The following ARL15 variants were observed in gnomAD, a reference collection of about 807,000 sequenced individuals.
ARL15 encodes the protein ADP-ribosylation factor-like protein 15.
A neutral mutation model predicts 25.2 loss-of-function variants in ARL15; 19 were observed. The ratio of observed to expected loss-of-function variants is 0.75; its 90% CI spans 0.53 to 1.10. The LOEUF (loss-of-function observed/expected upper bound fraction) is 1.10. ARL15 is among the 50% of genes least tolerant of loss of function. The pLI, the probability that ARL15 is intolerant of heterozygous loss-of-function variation, is 0.00. For missense variants in ARL15, 220 were observed against 246.0 expected (o/e 0.89, Z 0.71); for synonymous variants, 94 against 86.8 (o/e 1.08, Z -0.46).
chr5:54,087,111 C>A (rs1038741066), intron 4 of ARL15, among the ~76,000 whole-genome samples: 12 of 151,924 alleles, frequency 7.9e-5, no homozygotes, highest in Non-Finnish European at 1.6e-4. Context: ...TCAAGGTGGG[C>A]GGATCACGAG....
At chr5:53,943,574 G>A (rs1307800601) in intron 4 of ARL15, among the ~76,000 whole-genome samples, 1 of 152,218 alleles carries the variant, frequency 6.6e-6, no homozygotes, top group Non-Finnish European at 1.5e-5. Flanking sequence ...CAGGTATGGA[G>A]TAAGTGAGTT....
intron 1 of ARL15, among the ~76,000 whole-genome samples, chr5:54,227,007 A>G (rs151333629): frequency 6.6e-6 from 1 of 152,258 alleles, no homozygotes; most frequent in African/African-American, 2.4e-5. Context: ...GCTATGTAAG[A>G]CATCCCTTGC....
At chr5:54,273,952 C>T (rs1757856172) in intron 1 of ARL15, among the ~76,000 whole-genome samples, 1 of 152,206 alleles carries the variant, frequency 6.6e-6, no homozygotes, top group South Asian at 2.1e-4. Flanking sequence ...TGCACTTTGG[C>T]TGATGAAAGG....
chr5:54,308,266 A>C (rs1758812080), intron 1 of ARL15, among the ~76,000 whole-genome samples: 1 of 152,154 alleles, frequency 6.6e-6, no homozygotes, highest in South Asian at 2.1e-4. Context: ...CACAGGGGAC[A>C]CTTGGCACAC....
At chr5:53,991,542 C>CAA (rs760743257) in intron 4 of ARL15, among the ~76,000 whole-genome samples, 99 of 40,582 alleles carry the variant, frequency 2.4e-3, no homozygotes, top group African/African-American at 3.3e-3. Context: ...AACTCCATCT[C>CAA]AAAAAAAAAA....
intron 1 of ARL15, among the ~76,000 whole-genome samples, chr5:54,228,236 A>C (rs952737600): frequency 6.6e-6 from 1 of 152,226 alleles, no homozygotes; most frequent in African/African-American, 2.4e-5. Context: ...CCTGGTGTCC[A>C]CTAAGCCTGG....
Position 53,898,392 on chromosome 5 carries a change from T to G in ARL15, c.463-11679A>C, listed in dbSNP as rs553404293. Reference sequence around the variant, plus strand: ...GGAATGGTTTGAGAATTGGTGTAAATTCTTTAAACGTTTGGTAGAATTCAG... The same window carrying G: ...GGAATGGTTTGAGAATTGGTGTAAAGTCTTTAAACGTTTGGTAGAATTCAG... On this transcript the variant is annotated intron_variant, in intron 4 of 4. Coordinates refer to ENST00000504924, the MANE Select transcript of ARL15 (RefSeq NM_019087.3). 2.6e-5 allele frequency among the ~76,000 whole-genome samples: 4 copies of G among 152,326 alleles called. No homozygotes were observed. In the South Asian group the frequency reaches 8.3e-4, roughly 32 times the overall value.
intron 1 of ARL15, among the ~76,000 whole-genome samples, chr5:54,229,536 TAACA>T (rs772638151): frequency 5.3e-5 from 8 of 152,180 alleles, no homozygotes; most frequent in Non-Finnish European, 8.8e-5. Context: ...AAAACATTAC[TAACA>T]AACAGTTTTA....
At position 54,113,319 on chromosome 5, in the gene ARL15, A is replaced by G; in HGVS notation, c.345T>C (p.Asp115=). The change falls in exon 4 of 5, where the codon GAT becomes GAC. Residue 115 remains aspartate (D), a synonymous_variant. Coordinates refer to ENST00000504924, the MANE Select transcript of ARL15 (RefSeq NM_019087.3). The part of the protein sequence containing the change: ...FVLDSASSED[D]LEAARNELHS... ...GCAGCTCATTTCTAGCAGCTTCTAA[A>G]TCATCCTCTGAAGAGGCACTGTCTA... The G allele has an allele frequency of 6.2e-7, 1 of 1,613,938 alleles. No homozygotes were observed. Among genetic ancestry groups the G allele is most frequent in the Non-Finnish European group, 8.5e-7 (1 of 1,179,862 alleles).
intron 1 of ARL15, among the ~76,000 whole-genome samples, chr5:54,188,546 T>C (rs778624057): frequency 1.8e-5 from 2 of 110,176 alleles, no homozygotes; most frequent in Non-Finnish European, 4.0e-5. Context: ...GAATTAGACA[T>C]GGACAGTATT....
intron 4 of ARL15, among the ~76,000 whole-genome samples, chr5:54,055,721 T>A (rs538986807): frequency 3.3e-5 from 5 of 152,142 alleles, no homozygotes; most frequent in Non-Finnish European, 5.9e-5. Context: ...CTTGCCTTTG[T>A]ACATCCAGTT....
chr5:54,130,639 C>T (rs900301405), intron 3 of ARL15, among the ~76,000 whole-genome samples: 2 of 152,104 alleles, frequency 1.3e-5, no homozygotes, highest in African/African-American at 2.4e-5. Context: ...TGTATTAGTA[C>T]TGAGATGTAA....
intron 4 of ARL15, among the ~76,000 whole-genome samples, chr5:53,899,854 G>A (rs999982145): frequency 6.6e-6 from 1 of 152,120 alleles, no homozygotes; most frequent in African/African-American, 2.4e-5. Flanking sequence ...CAGTGAATAG[G>A]ATTTCTAATC....
At chr5:54,134,642 T>C (rs987155180) in intron 3 of ARL15, among the ~76,000 whole-genome samples, 1 of 123,454 alleles carries the variant, frequency 8.1e-6, no homozygotes, top group Admixed American at 1.1e-4. Context: ...TGGAGTGCAG[T>C]GGCACAATCT....
chr5:54,222,078 A>G (rs973419761), intron 1 of ARL15, among the ~76,000 whole-genome samples: 4 of 152,244 alleles, frequency 2.6e-5, no homozygotes, highest in African/African-American at 9.6e-5. Flanking sequence ...GCCAAGCTGG[A>G]GTGGAAATAT....
intron 1 of ARL15, among the ~76,000 whole-genome samples, chr5:54,260,623 G>T (rs1338255102): frequency 6.6e-6 from 1 of 152,120 alleles, no homozygotes; most frequent in Admixed American, 6.5e-5. Context: ...AGTCCTACTG[G>T]TTTCAACCCT....
intron 1 of ARL15, among the ~76,000 whole-genome samples, chr5:54,243,658 C>T (rs1040500841): frequency 3.9e-5 from 6 of 152,170 alleles, no homozygotes; most frequent in Non-Finnish European, 5.9e-5. Flanking sequence ...CCTGAAGGAA[C>T]GAGTCCCAAC....
chr5:54,029,536 T>C (rs1381594269), intron 4 of ARL15, among the ~76,000 whole-genome samples: 1 of 152,108 alleles, frequency 6.6e-6, no homozygotes, highest in East Asian at 1.9e-4. Context: ...ATACTTTCAG[T>C]AAAATATAAA....
intron 3 of ARL15, among the ~76,000 whole-genome samples, chr5:54,143,404 C>G (rs1247281815): frequency 1.3e-5 from 2 of 151,680 alleles, no homozygotes; most frequent in East Asian, 3.9e-4. Context: ...ACTTTAAGTA[C>G]TTTCTTTTTT....
Sources: gnomAD v4.1 joint callset for allele counts (sites outside exome capture counted in the v4.1 genomes callset) on GRCh38, gnomAD v4.1.1 for gene constraint, MANE v1.5 for transcripts, NCBI Gene and HGNC (gene_info 2026-07-23, HGNC 2026-07-21) for gene names.